Variants in RAPGEF6 observed in about 807,000 individuals in gnomAD.
RAPGEF6 encodes Rap guanine nucleotide exchange factor 6.
A neutral mutation model predicts 171.4 loss-of-function variants in RAPGEF6; 56 were observed. The observed-to-expected ratio is 0.33, with a 90% CI of 0.26 to 0.41. RAPGEF6 has a LOEUF of 0.41. RAPGEF6 is among the 10% of genes least tolerant of loss of function. The pLI is 1.00. For synonymous variants in RAPGEF6, 692 were observed against 650.1 expected (o/e 1.06, Z -0.98); for missense variants, 1,674 against 1,921.4 (o/e 0.87, Z 2.41).
At chr5:131,557,651 T>C (rs763958317) in intron 5 of RAPGEF6, among the ~76,000 whole-genome samples, 37 of 152,176 alleles carry the variant, frequency 2.4e-4, no homozygotes, top group Non-Finnish European at 4.4e-4. Flanking sequence ...TATTATAGGG[T>C]TTCTGCAGGT....
chr5:131,528,216 A>T (rs1473126341), intron 6 of RAPGEF6, among the ~76,000 whole-genome samples: 1 of 125,768 alleles, frequency 8.0e-6, no homozygotes, highest in African/African-American at 3.2e-5. Context: ...TATATAAATA[A>T]AATAAAATAA....
At chr5:131,512,010 T>G (rs1207919623) in intron 7 of RAPGEF6, among the ~76,000 whole-genome samples, 2 of 152,110 alleles carry the variant, frequency 1.3e-5, no homozygotes, top group Admixed American at 1.3e-4. Flanking sequence ...TATAGCCTCA[T>G]GGAAACGCCT....
At chr5:131,520,524 T>G (rs1332884148) in intron 7 of RAPGEF6, among the ~76,000 whole-genome samples, 1 of 152,210 alleles carries the variant, frequency 6.6e-6, no homozygotes, top group African/African-American at 2.4e-5. Flanking sequence ...ATTAAATACG[T>G]GGCTCACATT....
chr5:131,523,409 T>C (rs749613027), intron 6 of RAPGEF6, among the ~76,000 whole-genome samples: 2 of 150,594 alleles, frequency 1.3e-5, no homozygotes, highest in South Asian at 2.1e-4. Flanking sequence ...ATCATATATA[T>C]AGAGAAAAAT....
At chr5:131,588,089 A>T (rs775666365) in intron 4 of RAPGEF6, among the ~76,000 whole-genome samples, 12 of 151,284 alleles carry the variant, frequency 7.9e-5, no homozygotes, top group Non-Finnish European at 1.6e-4. Context: ...TTTCTCTTTG[A>T]CTTAGTGATT....
chr5:131,592,611 T>C (rs1176883251), intron 3 of RAPGEF6, 145 bp from the exon 4 acceptor site: 21 of 1,391,608 alleles, frequency 1.5e-5, no homozygotes, highest in Non-Finnish European at 2.0e-5. Flanking sequence ...ATTTTGCCTG[T>C]TGCCTAAGGT....
At chr5:131,451,335 G>A (rs147333942) in intron 21 of RAPGEF6, among the ~76,000 whole-genome samples, 2,702 of 152,028 alleles carry the variant, frequency 0.018, 44 homozygotes, top group Admixed American at 0.064. Context: ...TGTAATCCCA[G>A]CACTTTGGCA....
intron 6 of RAPGEF6, among the ~76,000 whole-genome samples, chr5:131,525,528 T>C (rs1274695595): frequency 1.3e-5 from 2 of 152,172 alleles, no homozygotes; most frequent in African/African-American, 2.4e-5. Flanking sequence ...AGGCCATTTA[T>C]AGCTCTACTA....
intron 26 of RAPGEF6, among the ~76,000 whole-genome samples, chr5:131,430,520 G>A (rs190869525): frequency 1.3e-5 from 2 of 152,292 alleles, no homozygotes; most frequent in African/African-American, 4.8e-5. Flanking sequence ...AACAATTTAT[G>A]AGGTGATAAA....
At chr5:131,608,011 C>G (rs1369739480) in intron 1 of RAPGEF6, among the ~76,000 whole-genome samples, 1 of 152,174 alleles carries the variant, frequency 6.6e-6, no homozygotes, top group Middle Eastern at 3.2e-3. Flanking sequence ...TAGTCCTGAA[C>G]TAAGACTGAT....
intron 6 of RAPGEF6, among the ~76,000 whole-genome samples, chr5:131,536,328 C>T (rs1418365412): frequency 5.3e-5 from 8 of 152,144 alleles, no homozygotes; most frequent in Non-Finnish European, 1.2e-4. Context: ...ACATGAACAT[C>T]TGAAATGCAT....
chr5:131,497,159 C>A (rs1756692187), intron 12 of RAPGEF6, among the ~76,000 whole-genome samples: 1 of 152,152 alleles, frequency 6.6e-6, no homozygotes, highest in Admixed American at 6.5e-5. Flanking sequence ...GCCTGTTGGC[C>A]ATTTACATAT....
chr5:131,514,408 T>A (rs1362385424), intron 7 of RAPGEF6, among the ~76,000 whole-genome samples: 2 of 104,790 alleles, frequency 1.9e-5, no homozygotes, highest in South Asian at 7.4e-4. Context: ...AATTCTATAA[T>A]AATTAGGTAA....
intron 1 of RAPGEF6, among the ~76,000 whole-genome samples, chr5:131,633,552 C>T (rs1177007258): frequency 6.6e-6 from 1 of 151,634 alleles, no homozygotes; most frequent in East Asian, 2.0e-4. Context: ...CAATATGGTG[C>T]AACCCCGTCT....
At chr5:131,453,291 C>T (rs1228587184) in intron 20 of RAPGEF6, 114 bp from the exon 21 acceptor site, 12 of 1,437,476 alleles carry the variant, frequency 8.3e-6, no homozygotes, top group Non-Finnish European at 1.1e-5. Flanking sequence ...TATCACAGTG[C>T]CAATTTTGCT....
intron 1 of RAPGEF6, among the ~76,000 whole-genome samples, chr5:131,605,068 GT>G (rs1764474049): frequency 6.6e-6 from 1 of 152,162 alleles, no homozygotes; most frequent in Admixed American, 6.5e-5. Flanking sequence ...AGATGACCCA[GT>G]TTATCAATAT....
chr5:131,571,066 T>C (rs1432385947), intron 4 of RAPGEF6, among the ~76,000 whole-genome samples: 4 of 150,608 alleles, frequency 2.7e-5, no homozygotes, highest in Admixed American at 6.7e-5. Flanking sequence ...TGCCTCAGCC[T>C]CCCAAGTAGG....
intron 7 of RAPGEF6, among the ~76,000 whole-genome samples, chr5:131,511,481 CTT>C (rs55782171): frequency 7.3e-6 from 1 of 137,328 alleles, no homozygotes; most frequent in Non-Finnish European, 1.5e-5. Context: ...AAAAGATCAT[CTT>C]TTTTTTTTTT....
In RAPGEF6 at chr5:131,548,414, G is replaced by T. The variant is rs554392271; in HGVS notation, c.352-224C>A. Among the ~76,000 whole-genome samples, 56 of 152,268 alleles carry T rather than the reference G, an allele frequency of 3.7e-4. 1 individual carries two copies. Among genetic ancestry groups the T allele is most frequent in the Middle Eastern group, 3.4e-3 (1 of 294 alleles). ...TTCCGTCCAGGAAACAGTCTCTCTT[G>T]TGCACATAAACATACATCCTCTAAG... On this transcript the variant is annotated intron_variant, in intron 5 of 27. Transcript: ENST00000509018.
Sources: allele counts gnomAD v4.1 joint callset (sites outside exome capture counted in the v4.1 genomes callset), GRCh38; gene constraint gnomAD v4.1.1; transcripts MANE v1.5; gene names NCBI Gene and HGNC (gene_info 2026-07-23, HGNC 2026-07-21).